TM4SF20: variants seen among roughly 807,000 people sequenced by gnomAD.
TM4SF20 encodes transmembrane 4 L6 family member 20.
TM4SF20 carries 13 observed loss-of-function variants against 15.1 expected under a neutral mutation model. That is an observed-to-expected ratio of 0.86 (90% CI 0.56 to 1.36). The LOEUF (loss-of-function observed/expected upper bound fraction) is 1.36. Ranked by LOEUF, TM4SF20 falls within the 40% of genes most tolerant of loss-of-function variation. TM4SF20 has a pLI of 0.00. For synonymous variants in TM4SF20, 92 were observed against 96.6 expected (o/e 0.95, Z 0.28); for missense variants, 282 against 268.4 (o/e 1.05, Z -0.35).
At chr2:227,365,056 G>A (rs184136796) in intron 3 of TM4SF20, among the ~76,000 whole-genome samples, 272 of 152,228 alleles carry the variant, frequency 1.8e-3, no homozygotes, top group South Asian at 0.012. Context: ...GACTAGAGGC[G>A]CGTGCCACCA....
chr2:227,373,773 C>CA (rs1347087406), intron 1 of TM4SF20, among the ~76,000 whole-genome samples: 1 of 151,566 alleles, frequency 6.6e-6, no homozygotes, highest in South Asian at 2.1e-4. Context: ...TACTAAAATA[C>CA]AAAAAATTAG....
chr2:227,379,202 C>T lies in TM4SF20; in HGVS notation c.67G>A (p.Val23Ile). Reference sequence around the variant, plus strand: ...ATTAGAGGTATCGCATTGAGAACTACTCCTAACAGCAGTAGAACCAGCAGG... The same window carrying T: ...ATTAGAGGTATCGCATTGAGAACTATTCCTAACAGCAGTAGAACCAGCAGG... ...FSLLVLLLLG[V>I]VLNAIPLIVS... is the part of the protein sequence containing the mutation. The change falls in exon 1 of 4, where the codon GTA (valine) becomes ATA (isoleucine). Residue 23 changes from valine to isoleucine, a missense_variant. Physicochemically the swap from Val to Ile is conservative, Grantham distance 29. Coordinates refer to ENST00000304568, the MANE Select transcript of TM4SF20 (RefSeq NM_024795.4). 1 of 1,614,212 alleles carries T rather than the reference C, an allele frequency of 6.2e-7. No homozygotes were observed. The highest frequency in any genetic ancestry group is 8.5e-7 in the Non-Finnish European group (1 of 1,180,032).
At chr2:227,380,486 G>T (rs2076474651), upstream of TM4SF20, among the ~76,000 whole-genome samples, 1 of 152,116 alleles carries the variant, frequency 6.6e-6, no homozygotes, top group African/African-American at 2.4e-5. Context: ...CAGAGGCAGG[G>T]TACAAAAATG....
chr2:227,363,595 T>G lies in TM4SF20; in HGVS notation c.*129A>C, dbSNP rs1345092711. ...CAAATCAACCACTGATATGAGAGTG[T>G]TATGCATTTACAACGTGCTTTCTAC... On this transcript the variant is annotated 3_prime_UTR_variant, in exon 4 of 4. Coordinates refer to ENST00000304568, the MANE Select transcript of TM4SF20 (RefSeq NM_024795.4). The G allele has an allele frequency of 1.2e-6, 1 of 860,216 alleles. No homozygotes were observed. The highest frequency in any genetic ancestry group is 1.8e-6 in the Non-Finnish European group (1 of 563,812). 53.3% of individuals were successfully genotyped at this position (860,216 alleles called of 1,614,324 possible).
At chr2:227,378,702 C>T (rs1272973342) in intron 1 of TM4SF20, among the ~76,000 whole-genome samples, 1 of 152,152 alleles carries the variant, frequency 6.6e-6, no homozygotes. Flanking sequence ...AGCAACCTGT[C>T]ACTCCTATTG....
intron 1 of TM4SF20, among the ~76,000 whole-genome samples, chr2:227,377,239 A>C (rs1338247376): frequency 6.6e-6 from 1 of 152,192 alleles, no homozygotes; most frequent in Non-Finnish European, 1.5e-5. Context: ...GGAAATTGCT[A>C]TCGTTAAGTC....
intron 1 of TM4SF20, among the ~76,000 whole-genome samples, chr2:227,373,671 C>T (rs1340053777): frequency 6.6e-6 from 1 of 152,048 alleles, no homozygotes; most frequent in Non-Finnish European, 1.5e-5. Context: ...TGGCTCACGT[C>T]TGTAATCCCA....
upstream of TM4SF20, among the ~76,000 whole-genome samples, chr2:227,380,166 C>CT (rs1265041693): frequency 6.6e-6 from 1 of 152,058 alleles, no homozygotes; most frequent in African/African-American, 2.4e-5. Flanking sequence ...CTCATCTGTA[C>CT]CAAAAAAACA....
At chr2:227,380,964 A>G (rs2076477072), upstream of TM4SF20, among the ~76,000 whole-genome samples, 1 of 152,208 alleles carries the variant, frequency 6.6e-6, no homozygotes, top group African/African-American at 2.4e-5. Flanking sequence ...AAGGATTTGT[A>G]TAAAAGGATT....
intron 1 of TM4SF20, among the ~76,000 whole-genome samples, chr2:227,371,938 G>T (rs2076423115): frequency 6.6e-6 from 1 of 152,220 alleles, no homozygotes; most frequent in African/African-American, 2.4e-5. Context: ...AAAGCTGTAA[G>T]AAAGAACACC....
upstream of TM4SF20, among the ~76,000 whole-genome samples, chr2:227,380,172 A>C (rs567940584): frequency 6.6e-6 from 1 of 152,334 alleles, no homozygotes; most frequent in African/African-American, 2.4e-5. Flanking sequence ...TGTACCAAAA[A>C]AACAAAAAGT....
chr2:227,378,060 A>T (rs1420132301), intron 1 of TM4SF20, among the ~76,000 whole-genome samples: 1 of 147,394 alleles, frequency 6.8e-6, no homozygotes, highest in Non-Finnish European at 1.5e-5. Context: ...CTTACAGCTT[A>T]CTCTCTCTCT....
chr2:227,367,534 TTTGTA>T (rs1168505923), intron 2 of TM4SF20, among the ~76,000 whole-genome samples: 1 of 152,050 alleles, frequency 6.6e-6, no homozygotes, highest in East Asian at 1.9e-4. Flanking sequence ...GAAGGAAACT[TTTGTA>T]TTGTTTCAGT....
chr2:227,370,826 G>A (rs891266506), intron 2 of TM4SF20, 89 bp downstream of exon 2: 27 of 1,028,628 alleles, frequency 2.6e-5, no homozygotes, highest in Middle Eastern at 2.1e-4. Flanking sequence ...ACTGTGATTC[G>A]GTAGATGCGA....
intron 1 of TM4SF20, among the ~76,000 whole-genome samples, chr2:227,375,996 T>C (rs542814658): frequency 6.6e-6 from 1 of 152,346 alleles, no homozygotes; most frequent in Admixed American, 6.5e-5. Flanking sequence ...TTTGTATTGA[T>C]TTTTCCATTT....
intron 1 of TM4SF20, among the ~76,000 whole-genome samples, chr2:227,373,809 G>A (rs1401087495): frequency 6.6e-6 from 1 of 151,702 alleles, no homozygotes; most frequent in African/African-American, 2.4e-5. Flanking sequence ...CGTGCCTGTA[G>A]TCCCAGCTAC....
At chr2:227,366,356 T>A (rs2076392952) in intron 2 of TM4SF20, 112 bp from the exon 3 acceptor site, 1 of 875,732 alleles carries the variant, frequency 1.1e-6, no homozygotes, top group Admixed American at 2.9e-5. Flanking sequence ...AAATCCTGGA[T>A]CTTAAGATCA....
At chr2:227,364,384 C>A (rs2106487481) in intron 3 of TM4SF20, among the ~76,000 whole-genome samples, 2 of 123,416 alleles carry the variant, frequency 1.6e-5, no homozygotes, top group African/African-American at 4.8e-5. Flanking sequence ...GCCTCCCCTA[C>A]CCCCCGCCAC....
intron 1 of TM4SF20, among the ~76,000 whole-genome samples, chr2:227,372,733 C>A (rs1004182988): frequency 1.3e-5 from 2 of 152,152 alleles, no homozygotes; most frequent in African/African-American, 4.8e-5. Context: ...GAGACAGGGT[C>A]TCACTCTGTC....
Sources: gnomAD v4.1 joint callset for allele counts (sites outside exome capture counted in the v4.1 genomes callset) on GRCh38, gnomAD v4.1.1 for gene constraint, MANE v1.5 for transcripts, NCBI Gene and HGNC (gene_info 2026-07-23, HGNC 2026-07-21) for gene names.